The following SLC44A1 variants were observed in gnomAD, a reference collection of about 807,000 sequenced individuals.
SLC44A1 encodes choline transporter-like protein 1.
Under a neutral mutation model 79.3 loss-of-function variants are expected in SLC44A1, and 26 were observed. The ratio of observed to expected loss-of-function variants is 0.33; its 90% confidence interval spans 0.24 to 0.46. SLC44A1 has a LOEUF of 0.46. Among genes scored for constraint, SLC44A1 ranks in the 20% least tolerant of loss-of-function variants. The pLI is 1.00. For synonymous variants in SLC44A1, 263 were observed against 286.2 expected (o/e 0.92, Z 0.82); for missense variants, 688 against 798.1 (o/e 0.86, Z 1.66).
Position 105,244,785 on chromosome 9 carries a change from CG to C in SLC44A1, c.-81del, listed in dbSNP as rs1268444956. 1 of 839,902 alleles carries C rather than the reference CG, an allele frequency of 1.2e-6. No homozygotes were observed. Among genetic ancestry groups the C allele is most frequent in the African/African-American group, 1.8e-5 (1 of 54,696 alleles). 52.0% of individuals were successfully genotyped at this position (839,902 alleles called of 1,614,324 possible). On this transcript the variant is annotated 5_prime_UTR_variant, in exon 1 of 16. Coordinates refer to ENST00000374720, the MANE Select transcript of SLC44A1 (RefSeq NM_080546.5). ...GTGCGGTGCCAGGCCGCGCCCTCCC[CG>C]GGCGCCCGCCGGCTCGCATGCCGAG...
At chr9:105,385,746 G>C (rs1828611501) in intron 15 of SLC44A1, 1 of 985,314 alleles carries the variant, frequency 1.0e-6, no homozygotes, top group Non-Finnish European at 1.2e-6. Flanking sequence ...CTCGGCAGGG[G>C]CGGGTAGGGG....
chr9:105,351,645 A>AGAAT (rs1827444196), intron 5 of SLC44A1, among the ~76,000 whole-genome samples: 1 of 147,428 alleles, frequency 6.8e-6, no homozygotes, highest in African/African-American at 2.6e-5. Context: ...AAAGAAAGAA[A>AGAAT]GAAAGAAAGA....
At chr9:105,331,737 C>G (rs957153368) in intron 3 of SLC44A1, among the ~76,000 whole-genome samples, 8 of 152,164 alleles carry the variant, frequency 5.3e-5, no homozygotes, top group Admixed American at 5.2e-4. Context: ...TAATAGAGAA[C>G]AGTTAAATTT....
chr9:105,362,380 AG>A (rs2131411547), intron 8 of SLC44A1, among the ~76,000 whole-genome samples: 1 of 152,322 alleles, frequency 6.6e-6, no homozygotes, highest in African/African-American at 2.4e-5. Context: ...CAGCTGCTGA[AG>A]ATGGGATGTG....
chr9:105,399,752 AAGC>A (rs1828932520), downstream of SLC44A1, among the ~76,000 whole-genome samples: 1 of 136,150 alleles, frequency 7.3e-6, no homozygotes, highest in African/African-American at 2.7e-5. Context: ...ATAGTGAAGA[AAGC>A]AGGGGCTCAA....
At chr9:105,379,809 C>T (rs1828406195) in intron 13 of SLC44A1, among the ~76,000 whole-genome samples, 1 of 152,132 alleles carries the variant, frequency 6.6e-6, no homozygotes, top group African/African-American at 2.4e-5. Flanking sequence ...TATCCCAAAA[C>T]CCCTCAATCT....
At chr9:105,412,974 G>A (rs530623031) in intron 15 of SLC44A1, among the ~76,000 whole-genome samples, 2 of 152,214 alleles carry the variant, frequency 1.3e-5, no homozygotes, top group South Asian at 4.1e-4. Context: ...TCAGAGACAA[G>A]CCTAGAGAAG....
At chr9:105,385,580 C>T in intron 15 of SLC44A1, 78 bp downstream of exon 15, 1 of 1,538,734 alleles carries the variant, frequency 6.5e-7, no homozygotes, top group Non-Finnish European at 8.8e-7. Flanking sequence ...TCACTGACTG[C>T]ACTTCTTCAG....
At position 105,364,738 on chromosome 9, in the gene SLC44A1, T is replaced by C. The variant is rs1827889526; in HGVS notation, c.1253+18T>C. On this transcript the variant is annotated intron_variant, in intron 10 of 15. Coordinates refer to ENST00000374720, the MANE Select transcript of SLC44A1 (RefSeq NM_080546.5). ...TTTACTAGGTAAGAATATGTTGTTA[T>C]TAGAAAACTCGAGTTCATCTAAGGG... The C allele has an allele frequency of 2.5e-6, 4 of 1,600,438 alleles. No homozygotes were observed. Among genetic ancestry groups the C allele is most frequent in the African/African-American group, 1.3e-5 (1 of 74,660 alleles).
chr9:105,343,473 A>G (rs1221488932), intron 4 of SLC44A1, among the ~76,000 whole-genome samples: 1 of 152,222 alleles, frequency 6.6e-6, no homozygotes, highest in African/African-American at 2.4e-5. Context: ...GATGATCAGT[A>G]TATTACCCTT....
At chr9:105,416,398 G>C (rs904379279) in intron 15 of SLC44A1, among the ~76,000 whole-genome samples, 2 of 152,084 alleles carry the variant, frequency 1.3e-5, no homozygotes, top group Non-Finnish European at 2.9e-5. Flanking sequence ...GCTCACAGTT[G>C]AGGGATGGAG....
At chr9:105,275,132 AAGGCTT>A in intron 1 of SLC44A1, among the ~76,000 whole-genome samples, 1 of 152,352 alleles carries the variant, frequency 6.6e-6, no homozygotes, top group African/African-American at 2.4e-5. Flanking sequence ...TACAAAGTTA[AAGGCTT>A]GGAGCTAGTC....
chr9:105,303,847 G>T (rs1830946204), intron 2 of SLC44A1, among the ~76,000 whole-genome samples: 1 of 152,166 alleles, frequency 6.6e-6, no homozygotes, highest in Non-Finnish European at 1.5e-5. Context: ...TGACCAAATC[G>T]CTTGGCATCA....
At chr9:105,300,934 C>G (rs1023875471) in intron 2 of SLC44A1, among the ~76,000 whole-genome samples, 10 of 152,034 alleles carry the variant, frequency 6.6e-5, no homozygotes, top group African/African-American at 2.4e-4. Flanking sequence ...TACCACCACG[C>G]CCAGCTAATT....
intron 15 of SLC44A1, among the ~76,000 whole-genome samples, chr9:105,422,737 C>T (rs1444723675): frequency 6.6e-6 from 1 of 152,118 alleles, no homozygotes; most frequent in Non-Finnish European, 1.5e-5. Context: ...GGGGGCAAAG[C>T]CTATTTTCAG....
chr9:105,399,948 C>T (rs890249307), downstream of SLC44A1, among the ~76,000 whole-genome samples: 3 of 152,154 alleles, frequency 2.0e-5, no homozygotes, highest in Admixed American at 2.0e-4. Flanking sequence ...GTAATCCCAG[C>T]ATTTTGGGTG....
At chr9:105,248,638 G>C (rs1829510656) in intron 1 of SLC44A1, among the ~76,000 whole-genome samples, 1 of 152,190 alleles carries the variant, frequency 6.6e-6, no homozygotes, top group Admixed American at 6.5e-5. Context: ...ACACAGGACA[G>C]TCTTTGCCTA....
At chr9:105,317,655 T>C (rs1345667601) in intron 3 of SLC44A1, among the ~76,000 whole-genome samples, 1 of 152,136 alleles carries the variant, frequency 6.6e-6, no homozygotes, top group Non-Finnish European at 1.5e-5. Context: ...TGGTTGAGTC[T>C]ACAGGTTGGA....
At chr9:105,350,556 A>T (rs1447676212) in intron 5 of SLC44A1, among the ~76,000 whole-genome samples, 1 of 152,100 alleles carries the variant, frequency 6.6e-6, no homozygotes, top group Non-Finnish European at 1.5e-5. Flanking sequence ...CATCCTTCAC[A>T]TCTCTTTTGG....
Sources: gnomAD v4.1 joint callset for allele counts (sites outside exome capture counted in the v4.1 genomes callset) on GRCh38, gnomAD v4.1.1 for gene constraint, MANE v1.5 for transcripts, NCBI Gene and HGNC (gene_info 2026-07-23, HGNC 2026-07-21) for gene names.